Variants in CFAP300 observed in about 807,000 individuals in gnomAD.
The protein encoded by CFAP300 is cilia- and flagella-associated protein 300.
CFAP300 carries 32 observed loss-of-function variants against 33.0 expected under a neutral mutation model. The observed-to-expected ratio is 0.97, with a 90% CI of 0.73 to 1.30. The LOEUF (loss-of-function observed/expected upper bound fraction) is 1.30, where lower values mean the gene tolerates loss of function less well. Ranked by LOEUF, CFAP300 falls within the 50% of genes most tolerant of loss-of-function variation. The pLI, the probability that CFAP300 is intolerant of heterozygous loss-of-function variation, is 0.00. For synonymous variants in CFAP300, 102 were observed against 106.8 expected, an observed-to-expected ratio of 0.95 and a Z score of 0.28; for missense variants, 356 against 318.1, an observed-to-expected ratio of 1.12 and a Z score of -0.90.
rs1221960063 is a variant in CFAP300 at position 102,083,116 on chromosome 11, A to T, written c.721A>T (p.Thr241Ser). 1.3e-6 allele frequency: 2 copies of T among 1,554,646 alleles called. No individual in the cohort carries two copies. Residue 241 changes from threonine (T) to serine (S), a missense_variant, in exon 7 of 7, where the codon ACA (threonine) becomes TCA (serine). Transcript: ENST00000434758. ...TCCTTCAGCAAAGAATCATGAACAGACATTTTCTTACTTTATTGTGGATCC... is the reference window on the plus strand; with the variant it reads ...TCCTTCAGCAAAGAATCATGAACAGTCATTTTCTTACTTTATTGTGGATCC... ...CYPSAKNHEQ[T>S]FSYFIVDPIR...
intron 3 of CFAP300, among the ~76,000 whole-genome samples, chr11:102,063,157 C>T (rs1294633336): frequency 2.6e-5 from 4 of 152,220 alleles, no homozygotes; most frequent in Admixed American, 1.3e-4. Context: ...TTGGGCCACC[C>T]GGAGCCTTCA....
chr11:102,082,950 T>C (rs367799653), intron 6 of CFAP300, 121 bp from the exon 7 acceptor site: 1 of 333,178 alleles, frequency 3.0e-6, no homozygotes, highest in East Asian at 1.0e-4. Context: ...TGAGCCGAGA[T>C]CGCGCCACTG....
At chr11:102,069,751 T>C (rs1942282422) in intron 4 of CFAP300, among the ~76,000 whole-genome samples, 1 of 151,966 alleles carries the variant, frequency 6.6e-6, no homozygotes, top group Non-Finnish European at 1.5e-5. Context: ...TGCAATAAGC[T>C]GAGATTGCGC....
At chr11:102,063,315 C>T (rs990782108) in intron 3 of CFAP300, among the ~76,000 whole-genome samples, 8 of 152,210 alleles carry the variant, frequency 5.3e-5, no homozygotes, top group African/African-American at 1.9e-4. Context: ...CACCTGTCAC[C>T]CCTTTCTTAT....
intron 2 of CFAP300, among the ~76,000 whole-genome samples, chr11:102,048,613 A>G (rs1474949892): frequency 6.6e-6 from 1 of 151,952 alleles, no homozygotes; most frequent in Admixed American, 6.6e-5. Flanking sequence ...CATCACACCC[A>G]CTCTGAGAAC....
chr11:102,059,940 C>A (rs1308858230), intron 3 of CFAP300, among the ~76,000 whole-genome samples: 1 of 151,850 alleles, frequency 6.6e-6, no homozygotes, highest in Non-Finnish European at 1.5e-5. Flanking sequence ...CATGGGCCCC[C>A]ACACCCGGCT....
At chr11:102,063,720 G>C (rs1392321135) in intron 3 of CFAP300, among the ~76,000 whole-genome samples, 1 of 152,116 alleles carries the variant, frequency 6.6e-6, no homozygotes, top group East Asian at 1.9e-4. Context: ...TCAGAAGGCT[G>C]AGGCAGAAGA....
chr11:102,080,966 C>T (rs1349268805), intron 5 of CFAP300, among the ~76,000 whole-genome samples: 3 of 152,186 alleles, frequency 2.0e-5, no homozygotes, highest in African/African-American at 7.2e-5. Flanking sequence ...GTAATTTCAT[C>T]ATCTGAGTCT....
intron 2 of CFAP300, among the ~76,000 whole-genome samples, chr11:102,051,237 G>T (rs1044657142): frequency 6.6e-6 from 1 of 152,174 alleles, no homozygotes; most frequent in Non-Finnish European, 1.5e-5. Flanking sequence ...CTAGATAGTT[G>T]AATATAACAT....
chr11:102,077,412 C>T (rs1238335558), intron 5 of CFAP300, among the ~76,000 whole-genome samples: 2 of 152,222 alleles, frequency 1.3e-5, no homozygotes, highest in African/African-American at 4.8e-5. Flanking sequence ...CATTCTAGCA[C>T]AGTCCATCCC....
chr11:102,057,939 G>A (rs532312405), intron 2 of CFAP300: 1 of 152,372 alleles, frequency 6.6e-6, no homozygotes, highest in East Asian at 1.9e-4. Flanking sequence ...TACCATCCTC[G>A]ATGTACCTGA....
At chr11:102,050,896 A>G (rs570877007) in intron 2 of CFAP300, among the ~76,000 whole-genome samples, 14 of 152,332 alleles carry the variant, frequency 9.2e-5, no homozygotes, top group Non-Finnish European at 2.1e-4. Flanking sequence ...ATGTTAAAAT[A>G]TTGAGATCAC....
intron 2 of CFAP300, among the ~76,000 whole-genome samples, chr11:102,048,682 C>A (rs1379528913): frequency 6.6e-6 from 1 of 152,152 alleles, no homozygotes; most frequent in Non-Finnish European, 1.5e-5. Flanking sequence ...AAGTATGAAG[C>A]CGTAGCACAG....
At position 102,047,831 on chromosome 11, in the gene CFAP300, A is replaced by G. The variant is rs769441468; in HGVS notation, c.127A>G (p.Ile43Val). The change falls in exon 2 of 7, where the codon ATC becomes GTC. Residue 43 changes from isoleucine to valine, a missense_variant. Ile to Val is a conservative substitution (Grantham distance 29). Transcript: ENST00000434758. ...RLRQWSMLGR[I>V]KAQAFGFDQT... ...CTGCCCCAGGTCCATGCTGGGCAGA[A>G]TCAAGGCGCAGGCGTTCGGCTTTGA... 6.2e-7 allele frequency: 1 copy of G among 1,614,146 alleles called. No homozygotes were observed. The highest frequency in any genetic ancestry group is 1.7e-5 in the Admixed American group (1 of 60,012).
intron 4 of CFAP300, among the ~76,000 whole-genome samples, chr11:102,069,361 A>G (rs1369655526): frequency 6.6e-6 from 1 of 152,198 alleles, no homozygotes. Context: ...ACTAATAACC[A>G]CTTTCCTGAC....
chr11:102,059,387 G>A (rs1016182702), intron 3 of CFAP300, among the ~76,000 whole-genome samples: 12 of 151,996 alleles, frequency 7.9e-5, no homozygotes, highest in South Asian at 2.1e-4. Context: ...GGTGGCTCAC[G>A]TCTGTAATCC....
At chr11:102,071,746 T>G (rs779633672) in intron 4 of CFAP300, among the ~76,000 whole-genome samples, 30 of 152,132 alleles carry the variant, frequency 2.0e-4, no homozygotes, top group Non-Finnish European at 1.3e-4. Flanking sequence ...GCTGCTAGTT[T>G]TTTTCTTTGT....
intron 3 of CFAP300, among the ~76,000 whole-genome samples, chr11:102,063,669 A>G (rs975879906): frequency 6.6e-6 from 1 of 152,192 alleles, no homozygotes; most frequent in African/African-American, 2.4e-5. Flanking sequence ...TCTACAAAAA[A>G]CTATCTGGCT....
At chr11:102,076,800 A>G (rs1942401346) in intron 5 of CFAP300, among the ~76,000 whole-genome samples, 2 of 152,230 alleles carry the variant, frequency 1.3e-5, no homozygotes, top group Non-Finnish European at 2.9e-5. Context: ...TCCATGTGTC[A>G]TATAGCTATA....
Sources: gnomAD v4.1 joint callset for allele counts (sites outside exome capture counted in the v4.1 genomes callset) on GRCh38, gnomAD v4.1.1 for gene constraint, MANE v1.5 for transcripts, NCBI Gene and HGNC (gene_info 2026-07-23, HGNC 2026-07-21) for gene names.